Variants in RNF17 observed in about 807,000 individuals in gnomAD.
RNF17 encodes spermatogenesis associated 23.
In RNF17, 31 loss-of-function variants were observed where a neutral mutation model predicts 200.5. The observed-to-expected ratio is 0.15, with a 90% CI of 0.12 to 0.21. The LOEUF (loss-of-function observed/expected upper bound fraction) is 0.21. Among genes scored for constraint, RNF17 ranks in the 10% least tolerant of loss-of-function variants. The probability of loss-of-function intolerance (pLI) is 1.00; values close to 1 mark genes in which losing one functional copy is unlikely to be tolerated. For synonymous variants in RNF17, 606 were observed against 637.8 expected (o/e 0.95, Z 0.75); for missense variants, 1,628 against 1,905.1 (o/e 0.85, Z 2.71).
chr13:24,839,460 C>A (rs574706557), intron 18 of RNF17, among the ~76,000 whole-genome samples: 6 of 152,112 alleles, frequency 3.9e-5, no homozygotes, highest in Non-Finnish European at 7.4e-5. Context: ...AATTTGGAGG[C>A]ATTACAATAC....
At chr13:24,804,261 T>C (rs1403249931) in intron 14 of RNF17, 27 bp from the exon 15 acceptor site, 2 of 1,602,628 alleles carry the variant, frequency 1.2e-6, no homozygotes, top group Admixed American at 1.7e-5. Flanking sequence ...AGACCCTGCT[T>C]ACGCTTTTCA....
At chr13:24,807,964 G>T (rs1223178646) in intron 15 of RNF17, among the ~76,000 whole-genome samples, 1 of 151,722 alleles carries the variant, frequency 6.6e-6, no homozygotes, top group East Asian at 1.9e-4. Context: ...GTAGATATGC[G>T]GCGTTATTTC....
At chr13:24,766,415 A>G (rs1404891491) in intron 1 of RNF17, among the ~76,000 whole-genome samples, 1 of 152,246 alleles carries the variant, frequency 6.6e-6, no homozygotes, top group Non-Finnish European at 1.5e-5. Flanking sequence ...TTCTTAGAGC[A>G]TTTAATCATG....
chr13:24,816,180 G>A lies in RNF17; in HGVS notation c.2092-9439G>A, dbSNP rs752049375. ...CTCCCAAAGTGCTGGGAGTACAGCC[G>A]TGGGCCACTGCGCCTGCTGCATTGA... On this transcript the variant is annotated intron_variant, in intron 15 of 35. Coordinates refer to ENST00000255324, the MANE Select transcript of RNF17 (RefSeq NM_031277.3). Among the ~76,000 whole-genome samples the A allele has an allele frequency of 3.9e-5, 6 of 152,246 alleles. No homozygotes were observed. The South Asian group carries it at 1.0e-3, about 26-fold the overall frequency.
chr13:24,860,672 A>C (rs1371904366), intron 26 of RNF17, among the ~76,000 whole-genome samples: 2 of 152,222 alleles, frequency 1.3e-5, no homozygotes, highest in African/African-American at 2.4e-5. Context: ...TTGAATTATC[A>C]AAATTAAAGC....
Position 24,825,677 on chromosome 13 carries a change from A to G in RNF17, c.2150A>G (p.Glu717Gly), listed in dbSNP as rs1458445039. ...LKTIEEFYKS[E>G]DGENLEILCP... ...ACAATCGAGGAATTCTATAAAAGTG[A>G]AGATGGAGAAAATCTGGAAATCCTC... Residue 717 changes from glutamate (E) to glycine (G), a missense_variant, in exon 16 of 36, where the codon GAA (glutamate) becomes GGA (glycine). By Grantham distance (98) the Glu-to-Gly change is moderately conservative. Around this residue, in one of 5 missense-constraint regions of RNF17, gnomAD observed 289 missense variants for 384.9 expected, o/e 0.75. Coordinates refer to ENST00000255324, the MANE Select transcript of RNF17 (RefSeq NM_031277.3). 6.2e-7 allele frequency: 1 copy of G among 1,609,816 alleles called. No individual in the cohort carries two copies. The highest frequency in any genetic ancestry group is 1.1e-5 in the South Asian group (1 of 90,976).
intron 18 of RNF17, 97 bp from the exon 19 acceptor site, chr13:24,841,944 C>T (rs535735373): frequency 1.4e-5 from 14 of 1,006,114 alleles, no homozygotes; most frequent in East Asian, 1.1e-4. Context: ...CCAGCCTGGG[C>T]GACAGAGTGA....
intron 15 of RNF17, among the ~76,000 whole-genome samples, chr13:24,819,227 T>C (rs1400108754): frequency 6.6e-6 from 1 of 152,192 alleles, no homozygotes; most frequent in Non-Finnish European, 1.5e-5. Flanking sequence ...ATATTACTTC[T>C]GCATTTTTAT....
intron 15 of RNF17, among the ~76,000 whole-genome samples, chr13:24,812,280 T>C (rs1886751527): frequency 6.6e-6 from 1 of 151,796 alleles, no homozygotes; most frequent in African/African-American, 2.4e-5. Context: ...ACTGCTGTGC[T>C]AGCAGTCAGC....
At chr13:24,857,989 G>T (rs527721789) in intron 25 of RNF17, among the ~76,000 whole-genome samples, 6 of 152,288 alleles carry the variant, frequency 3.9e-5, no homozygotes, top group South Asian at 2.1e-4. Context: ...GAACTTTTGA[G>T]AATATTCAGG....
chr13:24,826,748 G>C (rs1888683392), intron 16 of RNF17, among the ~76,000 whole-genome samples: 1 of 151,910 alleles, frequency 6.6e-6, no homozygotes, highest in African/African-American at 2.4e-5. Flanking sequence ...ACTCCAGCCT[G>C]GGCGACAGAG....
In RNF17 at chr13:24,831,847, G is replaced by T; in HGVS notation, c.2362-11G>T. The T allele has an allele frequency of 1.3e-6, 2 of 1,588,104 alleles. No homozygotes were observed. Among genetic ancestry groups the T allele is most frequent in the Non-Finnish European group, 8.5e-7 (1 of 1,173,376 alleles). On this transcript the variant is annotated splice_polypyrimidine_tract_variant and intron_variant, in intron 17 of 35. Transcript: ENST00000255324. ...ATTTTTTTCTTAATGGTGGAATTTT[G>T]TCTGACACAGGCAATTAAATGTAAG...
At chr13:24,861,247 A>G (rs1893070421) in intron 26 of RNF17, 21 bp from the exon 27 acceptor site, 3 of 1,555,354 alleles carry the variant, frequency 1.9e-6, no homozygotes, top group Admixed American at 1.9e-5. Context: ...TTAACTATAA[A>G]TTGTATTTGT....
In RNF17 at chr13:24,868,676, T is replaced by G; in HGVS notation, c.4238T>G (p.Leu1413Arg). Residue 1413 changes from leucine to arginine, a missense_variant, in exon 31 of 36, where the codon CTC (leucine) becomes CGC (arginine). Leu to Arg is a moderately radical substitution (Grantham distance 102). Around this residue, in one of 5 missense-constraint regions of RNF17, gnomAD observed 609 missense variants for 681.9 expected, o/e 0.89. Coordinates refer to ENST00000255324, the MANE Select transcript of RNF17 (RefSeq NM_031277.3). The stretch of plus-strand genomic sequence containing the variant: ...TCATCTCTGCCTTCCCCAGGAGAAC[T>G]CTATGCTGTTCAAGTTAAGCACGTT... ...LSSSLPSPGE[L>R]YAVQVKHVVS... 1.9e-6 allele frequency: 3 copies of G among 1,602,286 alleles called. No individual in the cohort carries two copies. The highest frequency in any genetic ancestry group is 1.1e-5 in the South Asian group (1 of 90,826).
chr13:24,844,278 A>G (rs1322842484), intron 20 of RNF17, among the ~76,000 whole-genome samples: 1 of 152,186 alleles, frequency 6.6e-6, no homozygotes. Flanking sequence ...ACTCTAGTAG[A>G]GGGAGAGAGA....
intron 30 of RNF17, among the ~76,000 whole-genome samples, chr13:24,867,641 T>G (rs1893768406): frequency 6.6e-6 from 1 of 152,200 alleles, no homozygotes; most frequent in South Asian, 2.1e-4. Flanking sequence ...TGGTTTTACT[T>G]AAGATAATTA....
chr13:24,836,078 TC>T (rs1169391452), intron 18 of RNF17, among the ~76,000 whole-genome samples: 10 of 152,168 alleles, frequency 6.6e-5, no homozygotes, highest in African/African-American at 2.2e-4. Context: ...AACAAGGTCT[TC>T]GAATTAACCT....
chr13:24,754,083 G>A, the RNF17 span, among the ~76,000 whole-genome samples: 10 of 151,770 alleles, frequency 6.6e-5, no homozygotes, highest in Non-Finnish European at 1.2e-4. Context: ...ACTTGAACCC[G>A]GGAGGCGGAA....
Position 24,779,760 on chromosome 13 carries a change from C to A in RNF17, c.510+13C>A. ...CATTGCTGGAAAAGTAAGCACTTTGCAGGATTAAATTCTATCATGAAGTGA... is the reference window on the plus strand; with the variant it reads ...CATTGCTGGAAAAGTAAGCACTTTGAAGGATTAAATTCTATCATGAAGTGA... On this transcript the variant is annotated intron_variant, in intron 5 of 35. Transcript: ENST00000255324. The A allele has an allele frequency of 6.3e-7, 1 of 1,596,136 alleles. No individual in the cohort carries two copies. The highest frequency in any genetic ancestry group is 8.6e-7 in the Non-Finnish European group (1 of 1,164,002).
Sources: allele counts gnomAD v4.1 joint callset (sites outside exome capture counted in the v4.1 genomes callset), GRCh38; gene constraint gnomAD v4.1.1; regional missense constraint gnomAD v4.1.1; transcripts MANE v1.5; gene names NCBI Gene and HGNC (gene_info 2026-07-23, HGNC 2026-07-21).